Variants in MYL1 observed in about 807,000 individuals in gnomAD.
The protein encoded by MYL1 is myosin light chain 1.
MYL1 carries 16 observed loss-of-function variants against 21.8 expected under a neutral mutation model. The observed-to-expected ratio is 0.74, with a 90% confidence interval of 0.50 to 1.12. The LOEUF (loss-of-function observed/expected upper bound fraction) is 1.12. Ranked by LOEUF, MYL1 falls within the 50% of genes most tolerant of loss-of-function variation. The pLI is 0.00. For missense variants in MYL1, 246 were observed against 241.0 expected (o/e 1.02, Z -0.14); for synonymous variants, 99 against 85.2 (o/e 1.16, Z -0.89).
rs1437440130 is a variant in MYL1 at position 210,302,633 on chromosome 2, A to G, written c.133-118T>C. ...CAAAGTAAGCTCCAAAAGTCAGCCT[A>G]CTTTTCAGAGTTCAGGCGTAGCTTG... On this transcript the variant is annotated intron_variant, in intron 1 of 6. Transcript: ENST00000352451. The G allele has an allele frequency of 2.7e-6, 4 of 1,492,002 alleles. No individual in the cohort carries two copies. In the African/African-American group the frequency reaches 5.6e-5, roughly 21 times the overall value. The allele number at this position is 1,492,002 out of a possible 1,614,324, so 92.4% of individuals were successfully genotyped here. A position where few individuals can be genotyped will look rare whatever the true frequency, so the allele number is the denominator to read the frequency against.
chr2:210,291,528 T>C (rs1380415736), intron 5 of MYL1, among the ~76,000 whole-genome samples: 2 of 152,192 alleles, frequency 1.3e-5, no homozygotes, highest in African/African-American at 4.8e-5. Context: ...TACTGCTAAA[T>C]TGACAGAGCT....
At chr2:210,313,609 AC>A (rs1559664806) in intron 1 of MYL1, among the ~76,000 whole-genome samples, 1 of 151,786 alleles carries the variant, frequency 6.6e-6, no homozygotes, top group Non-Finnish European at 1.5e-5. Flanking sequence ...ATATTCCATG[AC>A]CAATTTTTTT....
chr2:210,310,241 A>G (rs1202624533), intron 1 of MYL1, among the ~76,000 whole-genome samples: 3 of 152,060 alleles, frequency 2.0e-5, no homozygotes, highest in Non-Finnish European at 4.4e-5. Context: ...CAACCTATAC[A>G]TATTTTTACC....
At position 210,314,986 on chromosome 2, in the gene MYL1, G is replaced by A; in HGVS notation, c.57C>T (p.Ala19=). ...GGGCAGGTGCAGGTGCCGGTGCCGG[G>A]GCTGGGGCAGCCGCAGCCGCAGCCA... is the stretch of plus-strand genomic sequence containing the variant. ...KPVAAAAAAP[A]PAPAPAPAPA... is the part of the protein sequence containing the mutation. Residue 19 remains alanine (A), a synonymous_variant, in exon 1 of 7, where the codon GCC becomes GCT. Transcript: ENST00000352451. The A allele has an allele frequency of 1.2e-6, 2 of 1,610,858 alleles. No homozygotes were observed. The highest frequency in any genetic ancestry group is 1.7e-6 in the Non-Finnish European group (2 of 1,179,080).
At chr2:210,292,245 G>A (rs983876115) in intron 5 of MYL1, among the ~76,000 whole-genome samples, 4 of 151,930 alleles carry the variant, frequency 2.6e-5, no homozygotes, top group Non-Finnish European at 4.4e-5. Flanking sequence ...GCTAATTTTT[G>A]TATTTTTAGT....
At position 210,294,337 on chromosome 2, in the gene MYL1, T is replaced by C. The variant is rs116054444; in HGVS notation, c.386A>G (p.Tyr129Cys). 4.2e-4 allele frequency: 673 copies of C among 1,614,106 alleles called. No individual in the cohort carries two copies. The highest frequency in any genetic ancestry group is 5.5e-4 in the Non-Finnish European group (645 of 1,179,978). ...AISNNKDQAT[Y>C]EDFVEGLRVF... The stretch of plus-strand genomic sequence containing the variant: ...ACGCAGACCCTCAACAAAGTCTTCA[T>C]AGGTGGCCTGGTCCTTGTTGTTGGA... Residue 129 changes from tyrosine (Y) to cysteine (C), a missense_variant, in exon 4 of 7, where the codon TAT (tyrosine) becomes TGT (cysteine). By Grantham distance (194) the Tyr-to-Cys change is radical (BLOSUM62 -2). Coordinates refer to ENST00000352451, the MANE Select transcript of MYL1 (RefSeq NM_079420.3).
At chr2:210,293,861 TAGGTCATC>T in intron 4 of MYL1, 61 bp from the exon 5 acceptor site, 1 of 1,466,184 alleles carries the variant, frequency 6.8e-7, no homozygotes, top group Admixed American at 1.7e-5. Context: ...AAATCCACCA[TAGGTCATC>T]AGTCAAGGGC....
chr2:210,296,752 A>G (rs531386175), intron 3 of MYL1, among the ~76,000 whole-genome samples: 2 of 152,170 alleles, frequency 1.3e-5, no homozygotes, highest in East Asian at 3.9e-4. Context: ...ATCTAGCTAT[A>G]CTTTGGTATT....
chr2:210,314,690 A>G (rs1690463267), intron 1 of MYL1, among the ~76,000 whole-genome samples: 1 of 152,268 alleles, frequency 6.6e-6, no homozygotes, highest in South Asian at 2.1e-4. Flanking sequence ...AGAATAAAAA[A>G]TAGAGCAAGC....
rs1690066201 is a variant in MYL1, at chr2:210,290,988, A to AT, written c.*14+43dup. On this transcript the variant is annotated intron_variant, in intron 6 of 6. Transcript: ENST00000352451. The stretch of plus-strand genomic sequence containing the variant: ...AAGCTGTCAAGTTTTAAAAAACACA[A>AT]TATCAAGAAATCCTTAAATATTAAA... 21 of 1,355,906 alleles carry AT rather than the reference A, an allele frequency of 1.5e-5. No homozygotes were observed. In the South Asian group the frequency reaches 2.9e-4, roughly 19 times the overall value. The allele number at this position is 1,355,906 out of a possible 1,614,324, so 84.0% of individuals were successfully genotyped here. A position where few individuals can be genotyped will look rare whatever the true frequency, so the allele number is the denominator to read the frequency against.
intron 5 of MYL1, among the ~76,000 whole-genome samples, 175 bp downstream of exon 5, chr2:210,293,548 C>T (rs1690115190): frequency 2.0e-5 from 3 of 152,136 alleles, no homozygotes. Context: ...TGCTAAAACA[C>T]ACTGGAATAA....
At chr2:210,310,552 A>G (rs1055625521) in intron 1 of MYL1, among the ~76,000 whole-genome samples, 1 of 152,108 alleles carries the variant, frequency 6.6e-6, no homozygotes, top group Non-Finnish European at 1.5e-5. Flanking sequence ...TAGCATTTGA[A>G]AAATATCCAT....
intron 1 of MYL1, chr2:210,303,047 A>C (rs1690288496): frequency 5.8e-6 from 3 of 520,048 alleles, no homozygotes; most frequent in Middle Eastern, 5.1e-4. Flanking sequence ...AATAATCTAT[A>C]GTATATTTAA....
chr2:210,298,324 CACACACACACATACT>C (rs1308912264), intron 3 of MYL1, 81 bp downstream of exon 3: 18 of 1,047,640 alleles, frequency 1.7e-5, no homozygotes, highest in East Asian at 9.1e-5. Flanking sequence ...ACACATACTA[CACACACACACATACT>C]ACACACACAC....
chr2:210,302,941 C>A, intron 1 of MYL1: 3 of 681,556 alleles, frequency 4.4e-6, no homozygotes, highest in Admixed American at 3.2e-5. Flanking sequence ...ACTTTTGAAT[C>A]TAGGAACATA....
intron 1 of MYL1, among the ~76,000 whole-genome samples, chr2:210,311,248 G>A (rs897613039): frequency 6.6e-6 from 1 of 152,004 alleles, no homozygotes; most frequent in African/African-American, 2.4e-5. Context: ...ACTTACAGAT[G>A]AACAAAAGTA....
intron 1 of MYL1, among the ~76,000 whole-genome samples, chr2:210,310,776 T>G (rs937272420): frequency 1.3e-5 from 2 of 152,044 alleles, no homozygotes; most frequent in African/African-American, 4.8e-5. Context: ...CTCTTCTGGT[T>G]ACACAGGACT....
intron 1 of MYL1, among the ~76,000 whole-genome samples, chr2:210,313,039 C>T (rs1443027982): frequency 1.3e-5 from 2 of 151,786 alleles, no homozygotes; most frequent in Admixed American, 1.3e-4. Flanking sequence ...TGTTGCTTCT[C>T]TGCTGACTAT....
chr2:210,290,991 T>C (rs1259393213), intron 6 of MYL1, 41 bp downstream of exon 6: 59 of 1,385,832 alleles, frequency 4.3e-5, no homozygotes, highest in Non-Finnish European at 5.7e-5. Flanking sequence ...AAACACAATA[T>C]CAAGAAATCC....
Sources: gnomAD v4.1 joint callset for allele counts (sites outside exome capture counted in the v4.1 genomes callset) on GRCh38, gnomAD v4.1.1 for gene constraint, MANE v1.5 for transcripts, NCBI Gene and HGNC (gene_info 2026-07-23, HGNC 2026-07-21) for gene names.